Variants in TRAPPC9 observed in about 807,000 individuals in gnomAD.
TRAPPC9 encodes trafficking protein particle complex subunit 9, also known as IKK2 binding protein.
TRAPPC9 carries 83 observed loss-of-function variants against 124.0 expected under a neutral mutation model. The observed-to-expected ratio is 0.67, with a 90% confidence interval of 0.56 to 0.80. The LOEUF is 0.80. Among genes scored for constraint, TRAPPC9 ranks in the 30% least tolerant of loss-of-function variants. TRAPPC9 has a pLI of 0.00. For synonymous variants in TRAPPC9, 638 were observed against 617.5 expected, an observed-to-expected ratio of 1.03 and a Z score of -0.49; for missense variants, 1,302 against 1,508.3, an observed-to-expected ratio of 0.86 and a Z score of 2.27.
chr8:140,074,048 T>C (rs893750093), intron 17 of TRAPPC9, among the ~76,000 whole-genome samples: 4 of 152,138 alleles, frequency 2.6e-5, no homozygotes, highest in Non-Finnish European at 4.4e-5. Flanking sequence ...CTTTCATCCC[T>C]CCTGCCACTG....
intron 2 of TRAPPC9, among the ~76,000 whole-genome samples, chr8:140,443,240 C>G (rs1167923332): frequency 6.7e-6 from 1 of 148,988 alleles, no homozygotes; most frequent in Non-Finnish European, 1.5e-5. Context: ...TCGAGACCAT[C>G]CTGGCTAACA....
chr8:139,949,115 CA>C (rs1318689002), intron 19 of TRAPPC9, among the ~76,000 whole-genome samples: 1 of 151,734 alleles, frequency 6.6e-6, no homozygotes, highest in Non-Finnish European at 1.5e-5. Flanking sequence ...CTAATTAAAA[CA>C]GAAATTTCTG....
intron 21 of TRAPPC9, among the ~76,000 whole-genome samples, chr8:139,878,102 T>C (rs1829445984): frequency 6.6e-6 from 1 of 152,224 alleles, no homozygotes; most frequent in South Asian, 2.1e-4. Context: ...ACTTTTATAA[T>C]AGCAAACATT....
At chr8:139,786,164 C>T (rs554527233) in intron 21 of TRAPPC9, among the ~76,000 whole-genome samples, 16 of 151,348 alleles carry the variant, frequency 1.1e-4, no homozygotes, top group African/African-American at 1.5e-4. Flanking sequence ...GCCAAGATCG[C>T]GCCACCGCAC....
intron 9 of TRAPPC9, among the ~76,000 whole-genome samples, chr8:140,326,016 T>C (rs183100372): frequency 1.3e-5 from 2 of 152,248 alleles, no homozygotes; most frequent in East Asian, 3.9e-4. Flanking sequence ...GAAGCTGATA[T>C]ACAAATGGAT....
intron 13 of TRAPPC9, among the ~76,000 whole-genome samples, chr8:140,285,988 C>G (rs538631545): frequency 1.3e-5 from 2 of 152,310 alleles, no homozygotes; most frequent in African/African-American, 4.8e-5. Context: ...ACAATAGGCA[C>G]GGAGCTGCAG....
chr8:139,761,452 A>G (rs563389720), intron 21 of TRAPPC9, among the ~76,000 whole-genome samples: 93 of 152,146 alleles, frequency 6.1e-4, no homozygotes, highest in Non-Finnish European at 8.1e-4. Flanking sequence ...GGCCCCTTAG[A>G]GTTCTGGGCG....
In TRAPPC9 at chr8:140,037,879, A is replaced by AACACACAC. The variant is rs10560088; in HGVS notation, c.2557-13808_2557-13801dup. On this transcript the variant is annotated intron_variant, in intron 17 of 22. Transcript: ENST00000438773. Reference sequence around the variant, plus strand: ...ACACACATACCCAACACACACCTCCAACACACACACACACACACACACACA... The same window carrying AACACACAC: ...ACACACATACCCAACACACACCTCCAACACACACACACACACACACACACACACACACA... Among the ~76,000 whole-genome samples the AACACACAC allele has an allele frequency of 1.6e-3, 148 of 90,688 alleles. 1 individual carries two copies. Among genetic ancestry groups the AACACACAC allele is most frequent in the African/African-American group, 4.7e-3 (142 of 30,152 alleles). 59.5% of individuals were successfully genotyped at this position (90,688 alleles called of 152,430 possible). A position where few individuals can be genotyped will look rare whatever the true frequency, so the allele number is the denominator to read the frequency against.
chr8:140,159,305 T>G (rs1260867971), intron 17 of TRAPPC9, among the ~76,000 whole-genome samples: 1 of 152,232 alleles, frequency 6.6e-6, no homozygotes, highest in Non-Finnish European at 1.5e-5. Context: ...TCAGGAATCT[T>G]TCTTTCTTCC....
chr8:140,187,685 T>C (rs2062383130), intron 17 of TRAPPC9, among the ~76,000 whole-genome samples: 1 of 151,944 alleles, frequency 6.6e-6, no homozygotes, highest in African/African-American at 2.4e-5. Context: ...CTGTTGGTGG[T>C]TTTTTTTAAG....
intron 17 of TRAPPC9, among the ~76,000 whole-genome samples, chr8:140,190,292 C>T (rs2062460766): frequency 6.6e-6 from 1 of 151,968 alleles, no homozygotes; most frequent in Non-Finnish European, 1.5e-5. Flanking sequence ...CCTGTCTCTA[C>T]TAAAAATACA....
At chr8:139,798,217 T>C (rs1823237812) in intron 21 of TRAPPC9, among the ~76,000 whole-genome samples, 1 of 152,264 alleles carries the variant, frequency 6.6e-6, no homozygotes, top group African/African-American at 2.4e-5. Flanking sequence ...GTACATGCTA[T>C]GCTCTTTTTA....
intron 18 of TRAPPC9, among the ~76,000 whole-genome samples, chr8:140,001,245 G>T (rs978919027): frequency 6.6e-6 from 1 of 152,092 alleles, no homozygotes; most frequent in African/African-American, 2.4e-5. Context: ...ACACCAGGGG[G>T]GTGAGGGGCT....
In TRAPPC9 at chr8:140,373,605, C is replaced by G. The variant is rs139025733; in HGVS notation, c.1135-2425G>C. ...TTCCTACAGTGAAAGGTCATGCCGA[C>G]GCCGACGATGTGTGAGAATCCCTGT... On this transcript the variant is annotated intron_variant, in intron 7 of 22. Transcript: ENST00000438773. Among the ~76,000 whole-genome samples the G allele has an allele frequency of 5.4e-4, 82 of 151,756 alleles. No individual in the cohort carries two copies. In the East Asian group the frequency reaches 0.015, roughly 27 times the overall value.
intron 21 of TRAPPC9, among the ~76,000 whole-genome samples, chr8:139,838,040 G>A (rs1826472443): frequency 6.6e-6 from 1 of 152,174 alleles, no homozygotes; most frequent in Non-Finnish European, 1.5e-5. Context: ...TTCCAGGACA[G>A]AGTCTAAAGG....
intron 6 of TRAPPC9, among the ~76,000 whole-genome samples, chr8:140,400,343 C>T (rs969660150): frequency 2.0e-5 from 3 of 152,240 alleles, no homozygotes; most frequent in Non-Finnish European, 2.9e-5. Context: ...AATATGACCA[C>T]AGTAGCTTGC....
chr8:139,748,572 A>G (rs1396963445), intron 21 of TRAPPC9, among the ~76,000 whole-genome samples: 2 of 147,958 alleles, frequency 1.4e-5, no homozygotes, highest in Non-Finnish European at 2.9e-5. Context: ...TGCAGGTGTC[A>G]GAGCTGGCAT....
intron 1 of TRAPPC9, among the ~76,000 whole-genome samples, chr8:140,451,759 T>G (rs1020805573): frequency 6.6e-6 from 1 of 152,166 alleles, no homozygotes; most frequent in Admixed American, 6.5e-5. Context: ...AAATCCACCA[T>G]GCAATCACAT....
chr8:140,453,718 G>A (rs1239757109), intron 1 of TRAPPC9, among the ~76,000 whole-genome samples: 5 of 152,116 alleles, frequency 3.3e-5, no homozygotes, highest in Non-Finnish European at 7.3e-5. Flanking sequence ...CAAGGACGAC[G>A]CCCCACTCTC....
Sources: gnomAD v4.1 joint callset for allele counts (sites outside exome capture counted in the v4.1 genomes callset) on GRCh38, gnomAD v4.1.1 for gene constraint, MANE v1.5 for transcripts, NCBI Gene and HGNC (gene_info 2026-07-23, HGNC 2026-07-21) for gene names.